Variants in NSUN7 observed in about 807,000 individuals in gnomAD.
NSUN7 encodes the protein NOP2/Sun RNA methyltransferase family member 7.
A neutral mutation model predicts 58.5 loss-of-function variants in NSUN7; 39 were observed. That is an observed-to-expected ratio of 0.67 (90% confidence interval 0.52 to 0.87). The LOEUF (loss-of-function observed/expected upper bound fraction) is 0.87, where lower values mean the gene tolerates loss of function less well. Among genes scored for constraint, NSUN7 ranks in the 40% least tolerant of loss-of-function variants. The probability of loss-of-function intolerance (pLI) is 0.00; values close to 1 mark genes in which losing one functional copy is unlikely to be tolerated. For synonymous variants in NSUN7, 278 were observed against 303.7 expected (o/e 0.92, Z 0.88); for missense variants, 765 against 844.1 (o/e 0.91, Z 1.16).
At chr4:40,796,232 T>C (rs1262491211) in intron 9 of NSUN7, among the ~76,000 whole-genome samples, 1 of 152,180 alleles carries the variant, frequency 6.6e-6, no homozygotes, top group African/African-American at 2.4e-5. Context: ...CGCATGCCTG[T>C]AGTCCCAGCT....
intron 7 of NSUN7, 119 bp from the exon 8 acceptor site, chr4:40,790,483 C>G: frequency 1.6e-6 from 1 of 628,304 alleles, no homozygotes; most frequent in Non-Finnish European, 2.6e-6. Context: ...CTAACTACAT[C>G]AAAATGAATT....
At chr4:40,781,929 T>A (rs1742584676) in intron 7 of NSUN7, among the ~76,000 whole-genome samples, 1 of 152,198 alleles carries the variant, frequency 6.6e-6, no homozygotes, top group Non-Finnish European at 1.5e-5. Context: ...TTTATAATTA[T>A]GAAAGGTTTA....
rs1560555719 is a variant in NSUN7 at position 40,780,810 on chromosome 4, TA to T, written c.1036+4552del. On this transcript the variant is annotated intron_variant, in intron 7 of 11. Transcript: ENST00000381782. ...ACATACACATATATATATATATATATATATTTTTTTTTTTTTTTTTTTTTTT... is the reference window on the plus strand; with the variant it reads ...ACATACACATATATATATATATATATTATTTTTTTTTTTTTTTTTTTTTTT... 9.6e-4 allele frequency among the ~76,000 whole-genome samples: 95 copies of T among 98,634 alleles called. 1 individual carries two copies. Among genetic ancestry groups the T allele is most frequent in the African/African-American group, 1.6e-3 (39 of 24,614 alleles). The allele number at this position is 98,634 out of a possible 152,430, so 64.7% of individuals were successfully genotyped here. A position where few individuals can be genotyped will look rare whatever the true frequency, so the allele number is the denominator to read the frequency against.
At chr4:40,805,158 A>G (rs1381003432) in intron 10 of NSUN7, among the ~76,000 whole-genome samples, 1 of 152,136 alleles carries the variant, frequency 6.6e-6, no homozygotes, top group East Asian at 1.9e-4. Context: ...TTTTCTTTTT[A>G]AGAAATTACC....
At position 40,750,865 on chromosome 4, in the gene NSUN7, C is replaced by G. The variant is rs781782307; in HGVS notation, c.172C>G (p.Arg58Gly). 6.2e-7 allele frequency: 1 copy of G among 1,614,132 alleles called. No homozygotes were observed. Among genetic ancestry groups the G allele is most frequent in the African/African-American group, 1.3e-5 (1 of 75,026 alleles). Reference sequence around the variant, plus strand: ...GGCAGCCAACATTTTTCAGGGTATTCGAATCGAAAAGTCGGCACAGAAAGT... The same window carrying G: ...GGCAGCCAACATTTTTCAGGGTATTGGAATCGAAAAGTCGGCACAGAAAGT... ...VMAANIFQGI[R>G]IEKSAQKVLI... is the part of the protein sequence containing the mutation. Residue 58 changes from arginine (R) to glycine (G), a missense_variant, in exon 2 of 12, where the codon CGA becomes GGA. Coordinates refer to ENST00000381782, the MANE Select transcript of NSUN7 (RefSeq NM_024677.6).
chr4:40,785,332 A>G (rs1742763702), intron 7 of NSUN7, among the ~76,000 whole-genome samples: 1 of 152,088 alleles, frequency 6.6e-6, no homozygotes, highest in African/African-American at 2.4e-5. Flanking sequence ...GGAAAAAAAG[A>G]AAAAGAAAAG....
At chr4:40,760,053 C>T (rs567989072) in intron 2 of NSUN7, among the ~76,000 whole-genome samples, 48 of 151,982 alleles carry the variant, frequency 3.2e-4, no homozygotes, top group African/African-American at 1.1e-3. Flanking sequence ...CAAACAAAAC[C>T]AAAAAAATTA....
At chr4:40,781,201 GCA>G (rs1280595569) in intron 7 of NSUN7, among the ~76,000 whole-genome samples, 6 of 151,912 alleles carry the variant, frequency 3.9e-5, no homozygotes, top group Admixed American at 6.6e-5. Flanking sequence ...TGAGTAGCAT[GCA>G]CCACCTCACC....
intron 7 of NSUN7, among the ~76,000 whole-genome samples, chr4:40,785,570 A>G (rs1179302789): frequency 1.3e-5 from 2 of 152,216 alleles, no homozygotes; most frequent in Non-Finnish European, 2.9e-5. Context: ...CATGTTGGCC[A>G]GGCTGGTTGT....
intron 2 of NSUN7, among the ~76,000 whole-genome samples, chr4:40,753,709 G>A (rs1167446206): frequency 6.6e-6 from 1 of 152,088 alleles, no homozygotes; most frequent in Non-Finnish European, 1.5e-5. Flanking sequence ...ATATGGTTTG[G>A]CTGTGTCCCC....
intron 4 of NSUN7, among the ~76,000 whole-genome samples, chr4:40,764,664 T>C (rs1577549253): frequency 6.6e-6 from 1 of 152,208 alleles, no homozygotes; most frequent in African/African-American, 2.4e-5. Flanking sequence ...CACTGACTTC[T>C]ACAATGGTTG....
chr4:40,771,355 G>A (rs1742000269), intron 4 of NSUN7, among the ~76,000 whole-genome samples: 1 of 152,028 alleles, frequency 6.6e-6, no homozygotes, highest in Admixed American at 6.6e-5. Context: ...ACCAAACACT[G>A]GAAAAACTGG....
chr4:40,768,057 C>A (rs1741821456), intron 4 of NSUN7, among the ~76,000 whole-genome samples: 1 of 152,196 alleles, frequency 6.6e-6, no homozygotes, highest in South Asian at 2.1e-4. Context: ...AAGTGGTATT[C>A]TAAACCACAG....
At chr4:40,793,969 A>G (rs569826349) in intron 8 of NSUN7, among the ~76,000 whole-genome samples, 1 of 152,158 alleles carries the variant, frequency 6.6e-6, no homozygotes, top group Admixed American at 6.5e-5. Context: ...ATTTTAAACC[A>G]TATCCTTGTG....
rs772909910 is a variant in NSUN7, at chr4:40,761,122, G to A, written c.358-49G>A. On this transcript the variant is annotated intron_variant, in intron 3 of 11. Transcript: ENST00000381782. ...TGGAATGGAATGGAAAATATTGCTG[G>A]TTAGATATTGTTTGTATACTTTTCT... 4 of 1,410,018 alleles carry A rather than the reference G, an allele frequency of 2.8e-6. No individual in the cohort carries two copies. The African/African-American group carries it at 4.5e-5, about 16-fold the overall frequency. The allele number at this position is 1,410,018 out of a possible 1,614,324, so 87.3% of individuals were successfully genotyped here.
chr4:40,776,333 A>G lies in NSUN7; in HGVS notation c.1036+74A>G, dbSNP rs145496822. 1.5e-3 allele frequency: 1,566 copies of G among 1,077,712 alleles called. 19 individuals carry two copies. In the African/African-American group the frequency reaches 0.021, roughly 15 times the overall value. The allele number at this position is 1,077,712 out of a possible 1,614,324, so 66.8% of individuals were successfully genotyped here. A position where few individuals can be genotyped will look rare whatever the true frequency, so the allele number is the denominator to read the frequency against. ...TAGAAACGTTAAAAAGTTTTAATTTATTAGTTTTTTTGTAATGTAAAAGCT... is the reference window on the plus strand; with the variant it reads ...TAGAAACGTTAAAAAGTTTTAATTTGTTAGTTTTTTTGTAATGTAAAAGCT... On this transcript the variant is annotated intron_variant, in intron 7 of 11. Transcript: ENST00000381782.
At chr4:40,791,712 C>A (rs1220950893) in intron 8 of NSUN7, among the ~76,000 whole-genome samples, 1 of 152,098 alleles carries the variant, frequency 6.6e-6, no homozygotes, top group Non-Finnish European at 1.5e-5. Context: ...AATATAGTAA[C>A]TGTTTTCTGT....
chr4:40,767,030 C>A (rs1223712019), intron 4 of NSUN7, among the ~76,000 whole-genome samples: 12 of 150,522 alleles, frequency 8.0e-5, no homozygotes, highest in Admixed American at 4.6e-4. Context: ...TTTCAAAAAA[C>A]CAGCTCCTGG....
chr4:40,785,201 A>AT (rs34585824), intron 7 of NSUN7, among the ~76,000 whole-genome samples: 2,207 of 138,640 alleles, frequency 0.016, 23 homozygotes, highest in Middle Eastern at 0.058. Context: ...ACTCTCAGCT[A>AT]TTTTTTTTTT....
Sources: allele counts gnomAD v4.1 joint callset (sites outside exome capture counted in the v4.1 genomes callset), GRCh38; gene constraint gnomAD v4.1.1; transcripts MANE v1.5; gene names NCBI Gene and HGNC (gene_info 2026-07-23, HGNC 2026-07-21).